MTUS2: variants seen among roughly 807,000 people sequenced by gnomAD.
The protein encoded by MTUS2 is microtubule-associated tumor suppressor candidate 2.
In MTUS2, 40 loss-of-function variants were observed where a neutral mutation model predicts 114.1. The observed-to-expected ratio is 0.35, with a 90% CI of 0.27 to 0.46. The LOEUF (loss-of-function observed/expected upper bound fraction) is 0.46. Ranked by LOEUF, MTUS2 falls within the 20% of genes least tolerant of loss-of-function variation. MTUS2 has a pLI of 1.00. For synonymous variants in MTUS2, 688 were observed against 672.0 expected (o/e 1.02, Z -0.37); for missense variants, 1,679 against 1,705.4 (o/e 0.98, Z 0.27).
chr13:28,850,716 T>C (rs536397806), intron 2 of MTUS2, among the ~76,000 whole-genome samples: 1 of 152,386 alleles, frequency 6.6e-6, no homozygotes, highest in South Asian at 2.1e-4. Context: ...TAAACCATCC[T>C]GGAGACTGGT....
At chr13:29,427,235 C>T (rs1186388820) in intron 8 of MTUS2, among the ~76,000 whole-genome samples, 1 of 152,180 alleles carries the variant, frequency 6.6e-6, no homozygotes, top group Admixed American at 6.5e-5. Context: ...GGCTGCTATT[C>T]CATGAATGTG....
rs111958422 is a variant in MTUS2 at position 28,980,707 on chromosome 13, A to C, written c.-242-43750A>C. ...TCTGTAGGATAAAGTCTCACAAATG[A>C]GATTGTTGGATCAATATTTGTAATT... On this transcript the variant is annotated intron_variant, in intron 2 of 15. Transcript: ENST00000612955. 3.5e-3 allele frequency among the ~76,000 whole-genome samples: 532 copies of C among 152,306 alleles called. 2 individuals are homozygous for C. Among genetic ancestry groups the C allele is most frequent in the African/African-American group, 0.012 (503 of 41,556 alleles).
intron 6 of MTUS2, among the ~76,000 whole-genome samples, chr13:29,316,080 CTGGGGGGTG>C (rs1013003868): frequency 1.3e-5 from 2 of 152,092 alleles, no homozygotes; most frequent in Non-Finnish European, 2.9e-5. Context: ...AAGACTGCAC[CTGGGGGGTG>C]TGAGGGACAG....
intron 7 of MTUS2, among the ~76,000 whole-genome samples, chr13:29,330,199 C>CT (rs1186125601): frequency 4.0e-5 from 6 of 151,444 alleles, no homozygotes; most frequent in Non-Finnish European, 7.4e-5. Flanking sequence ...TAATGACCAG[C>CT]TTTTTTTACA....
chr13:29,428,327 G>T (rs1389232033), intron 8 of MTUS2, among the ~76,000 whole-genome samples: 1 of 152,260 alleles, frequency 6.6e-6, no homozygotes, highest in Non-Finnish European at 1.5e-5. Flanking sequence ...AGCCCTGGCA[G>T]CCCTTTCGGG....
chr13:28,903,541 G>A (rs1205414666), intron 2 of MTUS2, among the ~76,000 whole-genome samples: 1 of 150,984 alleles, frequency 6.6e-6, no homozygotes, highest in East Asian at 2.0e-4. Flanking sequence ...GGGATAGTTT[G>A]CTGAGAATGA....
At chr13:29,081,035 A>G (rs562109197) in intron 4 of MTUS2, among the ~76,000 whole-genome samples, 61 of 152,216 alleles carry the variant, frequency 4.0e-4, no homozygotes, top group African/African-American at 1.4e-3. Flanking sequence ...CCAGATGTTA[A>G]TCTCCTTTGG....
chr13:28,841,962 G>A (rs772458652), intron 2 of MTUS2, among the ~76,000 whole-genome samples: 1 of 152,174 alleles, frequency 6.6e-6, no homozygotes, highest in Non-Finnish European at 1.5e-5. Flanking sequence ...TGGGATTACA[G>A]GCGTGAGCCA....
At chr13:28,873,383 T>A (rs1360323167) in intron 2 of MTUS2, among the ~76,000 whole-genome samples, 1 of 152,244 alleles carries the variant, frequency 6.6e-6, no homozygotes, top group African/African-American at 2.4e-5. Context: ...AAGCCTTCTC[T>A]GAACCCTGTC....
chr13:28,917,445 A>G (rs1289135021), intron 2 of MTUS2, among the ~76,000 whole-genome samples: 1 of 151,420 alleles, frequency 6.6e-6, no homozygotes, highest in Non-Finnish European at 1.5e-5. Flanking sequence ...ATTATTTGTT[A>G]TTGGTCTGTT....
chr13:29,388,391 T>A (rs985044428), intron 8 of MTUS2, among the ~76,000 whole-genome samples: 3 of 151,412 alleles, frequency 2.0e-5, no homozygotes, highest in Non-Finnish European at 2.9e-5. Flanking sequence ...TTGAGTGTTT[T>A]AAACATAGGA....
At chr13:29,151,086 T>A (rs1356190090) in intron 5 of MTUS2, among the ~76,000 whole-genome samples, 1 of 152,198 alleles carries the variant, frequency 6.6e-6, no homozygotes, top group African/African-American at 2.4e-5. Context: ...AAAAATTATA[T>A]TGGCAGTTTG....
rs762120645 is a variant in MTUS2 at position 28,829,757 on chromosome 13, C to G, written c.-316+9146C>G. Among the ~76,000 whole-genome samples, 6 of 152,156 alleles carry G rather than the reference C, an allele frequency of 3.9e-5. No individual in the cohort carries two copies. The East Asian group carries it at 7.7e-4, about 20-fold the overall frequency. On this transcript the variant is annotated intron_variant, in intron 1 of 15. Coordinates refer to ENST00000612955, the MANE Select transcript of MTUS2 (RefSeq NM_001033602.4). ...CTCTCAGCTGCCTGAGGCAGTGACA[C>G]CAGTTGGGGTTAACAAGAGGTTAAC...
intron 6 of MTUS2, among the ~76,000 whole-genome samples, chr13:29,292,769 A>G (rs1180174817): frequency 2.6e-5 from 4 of 151,954 alleles, no homozygotes; most frequent in Non-Finnish European, 4.4e-5. Flanking sequence ...GTTTGCAGTA[A>G]AGGGCACAGG....
chr13:29,005,285 T>C (rs1260004797), intron 2 of MTUS2, among the ~76,000 whole-genome samples: 1 of 152,080 alleles, frequency 6.6e-6, no homozygotes, highest in East Asian at 1.9e-4. Context: ...AGAGAGGGGC[T>C]TGGGAGTTCT....
chr13:29,374,552 A>G (rs1871434341), intron 8 of MTUS2, among the ~76,000 whole-genome samples: 2 of 152,232 alleles, frequency 1.3e-5, no homozygotes, highest in South Asian at 4.1e-4. Flanking sequence ...CAAAGTAGTG[A>G]AACAAACATC....
intron 7 of MTUS2, among the ~76,000 whole-genome samples, chr13:29,340,107 G>C (rs1378693044): frequency 6.6e-6 from 1 of 152,216 alleles, no homozygotes; most frequent in Admixed American, 6.5e-5. Context: ...ATAGGGTTCC[G>C]CACGGGCCAG....
intron 2 of MTUS2, among the ~76,000 whole-genome samples, chr13:28,907,126 C>T (rs555805308): frequency 6.1e-4 from 93 of 151,582 alleles, no homozygotes; most frequent in Admixed American, 5.7e-3. Context: ...GAATTTTCAA[C>T]CCAGAATTTC....
At chr13:29,240,087 A>G (rs533409201) in intron 5 of MTUS2, 1 of 152,294 alleles carries the variant, frequency 6.6e-6, no homozygotes, top group East Asian at 1.9e-4. Context: ...GCTGAAGTCA[A>G]TGTCAGAGAA....
Sources: allele counts gnomAD v4.1 joint callset (sites outside exome capture counted in the v4.1 genomes callset), GRCh38; gene constraint gnomAD v4.1.1; transcripts MANE v1.5; gene names NCBI Gene and HGNC (gene_info 2026-07-23, HGNC 2026-07-21).